CPQ: variants seen among roughly 807,000 people sequenced by gnomAD.
CPQ encodes Ser-Met dipeptidase.
CPQ carries 37 observed loss-of-function variants against 45.7 expected under a neutral mutation model. That is an observed-to-expected ratio of 0.81 (90% confidence interval 0.62 to 1.07). The LOEUF (loss-of-function observed/expected upper bound fraction) is 1.07. Among genes scored for constraint, CPQ ranks in the 50% least tolerant of loss-of-function variants. CPQ has a pLI of 0.00. For synonymous variants in CPQ, 186 were observed against 205.8 expected (o/e 0.90, Z 0.82); for missense variants, 537 against 572.9 (o/e 0.94, Z 0.64).
intron 5 of CPQ, among the ~76,000 whole-genome samples, chr8:97,022,646 G>A (rs1399182364): frequency 6.6e-6 from 1 of 151,960 alleles, no homozygotes; most frequent in Non-Finnish European, 1.5e-5. Flanking sequence ...CATCACTAAT[G>A]ATCAGGGAAA....
chr8:96,862,462 T>TA (rs936777920), intron 3 of CPQ, among the ~76,000 whole-genome samples: 5 of 151,612 alleles, frequency 3.3e-5, no homozygotes, highest in South Asian at 2.1e-4. Context: ...TTAGATAAAA[T>TA]AAAAAAAATA....
intron 4 of CPQ, among the ~76,000 whole-genome samples, chr8:96,908,211 CAGAA>C (rs950257966): frequency 6.7e-6 from 1 of 149,976 alleles, no homozygotes; most frequent in Admixed American, 6.7e-5. Context: ...AAGAGAGAGA[CAGAA>C]AGAGAAAAGA....
intron 2 of CPQ, among the ~76,000 whole-genome samples, chr8:96,796,955 G>T (rs527440457): frequency 1.3e-5 from 2 of 152,260 alleles, no homozygotes; most frequent in East Asian, 3.9e-4. Context: ...TATCTTACAG[G>T]ATTTTAAATG....
intron 3 of CPQ, among the ~76,000 whole-genome samples, chr8:96,876,862 A>G (rs1004015799): frequency 6.6e-6 from 1 of 152,048 alleles, no homozygotes; most frequent in Non-Finnish European, 1.5e-5. Flanking sequence ...ATTTATATTT[A>G]TAAGGGATTT....
chr8:97,101,572 C>CTTTTTTTT (rs5893410), intron 7 of CPQ, among the ~76,000 whole-genome samples: 26 of 114,200 alleles, frequency 2.3e-4, no homozygotes, highest in South Asian at 5.9e-4. Flanking sequence ...TTTCTTTTTT[C>CTTTTTTTT]TTTTTTTTTT....
At chr8:97,007,788 A>C (rs916718155) in intron 5 of CPQ, among the ~76,000 whole-genome samples, 1 of 152,186 alleles carries the variant, frequency 6.6e-6, no homozygotes, top group Non-Finnish European at 1.5e-5. Flanking sequence ...ATAAAGGACG[A>C]AATGTTTTTC....
In CPQ at chr8:96,809,211, T is replaced by C. The variant is rs147044716; in HGVS notation, c.433+23881T>C. Among the ~76,000 whole-genome samples, 11 of 152,076 alleles carry C rather than the reference T, an allele frequency of 7.2e-5. No individual in the cohort carries two copies. The East Asian group carries it at 2.1e-3, about 29-fold the overall frequency. ...ATAATATACATATATTACACATATA[T>C]TGAACTCAGCAATTGAATGCTTAGG... On this transcript the variant is annotated intron_variant, in intron 2 of 7. Transcript: ENST00000220763.
At chr8:96,740,417 AT>A (rs1352266368) in intron 1 of CPQ, among the ~76,000 whole-genome samples, 1 of 152,054 alleles carries the variant, frequency 6.6e-6, no homozygotes. Flanking sequence ...AACAGGGACA[AT>A]TTGACTTCCT....
intron 4 of CPQ, among the ~76,000 whole-genome samples, chr8:96,964,173 TACACACACACAC>T (rs71267285): frequency 3.8e-4 from 51 of 133,458 alleles, no homozygotes; most frequent in African/African-American, 1.3e-3. Flanking sequence ...GGTTAAAGTA[TACACACACACAC>T]ACACACACAC....
chr8:97,087,939 G>T (rs2130561321), intron 7 of CPQ, among the ~76,000 whole-genome samples: 1 of 152,258 alleles, frequency 6.6e-6, no homozygotes, highest in Non-Finnish European at 1.5e-5. Context: ...TGATAGAGAA[G>T]TGTAGGTATC....
At chr8:96,665,583 T>C (rs771991593) in intron 1 of CPQ, among the ~76,000 whole-genome samples, 1 of 152,216 alleles carries the variant, frequency 6.6e-6, no homozygotes, top group Non-Finnish European at 1.5e-5. Flanking sequence ...TGGTTTCAAG[T>C]GAAAGTAATT....
intron 1 of CPQ, among the ~76,000 whole-genome samples, chr8:96,745,204 A>T (rs1305963212): frequency 6.6e-6 from 1 of 152,154 alleles, no homozygotes; most frequent in East Asian, 1.9e-4. Context: ...GCTACTCAGG[A>T]GGCTGAGACA....
At chr8:96,961,107 T>C (rs1322532092) in intron 4 of CPQ, among the ~76,000 whole-genome samples, 1 of 152,220 alleles carries the variant, frequency 6.6e-6, no homozygotes, top group Admixed American at 6.5e-5. Context: ...TTCAACTTTA[T>C]AAGGATATGT....
intron 5 of CPQ, among the ~76,000 whole-genome samples, chr8:96,976,450 C>T (rs1813787593): frequency 6.6e-6 from 1 of 151,884 alleles, no homozygotes; most frequent in African/African-American, 2.4e-5. Context: ...AAATTCATTG[C>T]AATTCCCATC....
chr8:97,106,475 A>G (rs1280180255), intron 7 of CPQ, among the ~76,000 whole-genome samples: 2 of 152,254 alleles, frequency 1.3e-5, no homozygotes, highest in Non-Finnish European at 2.9e-5. Flanking sequence ...GTGAGGAAAC[A>G]GTGCTCCCTG....
intron 4 of CPQ, among the ~76,000 whole-genome samples, chr8:96,937,919 A>C (rs1813075351): frequency 6.6e-6 from 1 of 152,216 alleles, no homozygotes. Flanking sequence ...ATGTTGAGAT[A>C]AAAGGAAGTT....
At chr8:96,743,964 C>A (rs998489455) in intron 1 of CPQ, among the ~76,000 whole-genome samples, 1 of 152,226 alleles carries the variant, frequency 6.6e-6, no homozygotes, top group Non-Finnish European at 1.5e-5. Flanking sequence ...GTGGAGCCTA[C>A]AGAGGCAGGC....
intron 2 of CPQ, among the ~76,000 whole-genome samples, chr8:96,825,565 T>G (rs1280302753): frequency 1.3e-5 from 2 of 152,062 alleles, no homozygotes; most frequent in East Asian, 3.9e-4. Flanking sequence ...CATCAATAAT[T>G]GGATTTGTGC....
chr8:96,737,700 T>C (rs1173991440), intron 1 of CPQ, among the ~76,000 whole-genome samples: 1 of 152,112 alleles, frequency 6.6e-6, no homozygotes. Context: ...GGATTAATAC[T>C]TTGTATCCCT....
Sources: allele counts gnomAD v4.1 joint callset (sites outside exome capture counted in the v4.1 genomes callset), GRCh38; gene constraint gnomAD v4.1.1; transcripts MANE v1.5; gene names NCBI Gene and HGNC (gene_info 2026-07-23, HGNC 2026-07-21).